The following HS6ST2 variants were observed in gnomAD, a reference collection of about 807,000 sequenced individuals.
HS6ST2 encodes heparan sulfate 6-O-sulfotransferase 2.
In HS6ST2, 17 loss-of-function variants were observed where a neutral mutation model predicts 33.0. That is an observed-to-expected ratio of 0.52 (90% CI 0.35 to 0.77). The LOEUF (loss-of-function observed/expected upper bound fraction) is 0.77, where lower values mean the gene tolerates loss of function less well. HS6ST2 is among the 30% of genes least tolerant of loss of function. The probability of loss-of-function intolerance (pLI) is 0.01; values close to 1 mark genes in which losing one functional copy is unlikely to be tolerated. For synonymous variants in HS6ST2, 248 were observed against 237.1 expected, an observed-to-expected ratio of 1.05 and a Z score of -0.42; for missense variants, 519 against 551.7, an observed-to-expected ratio of 0.94 and a Z score of 0.59.
At chrX:132,741,524 C>T (rs986656043) in intron 2 of HS6ST2, among the ~76,000 whole-genome samples, 2 of 110,532 alleles carry the variant, frequency 1.8e-5, no homozygotes, top group Admixed American at 1.9e-4. Context: ...TCAAGTGATC[C>T]GCCCACCTCA....
rs745317483 is a variant in HS6ST2 at position 132,958,034 on chromosome X, CT to C, written c.428+140del. Reference sequence around the variant, plus strand: ...GCGTGGGCAAATGCGCGCCGCACCCCTCCGGAGACCCTAGCCGGGCCACCAA... The same window carrying C: ...GCGTGGGCAAATGCGCGCCGCACCCCCCGGAGACCCTAGCCGGGCCACCAA... On this transcript the variant is annotated intron_variant, in intron 1 of 4. Coordinates refer to ENST00000370833, the MANE Select transcript of HS6ST2 (RefSeq NM_001394073.1). 1.1e-4 allele frequency: 67 copies of C among 589,699 alleles called. No homozygotes were observed. In the East Asian group the frequency reaches 2.5e-3, roughly 22 times the overall value. The allele number at this position is 589,699 out of a possible 1,213,427, so 48.6% of individuals were successfully genotyped here. A position where few individuals can be genotyped will look rare whatever the true frequency, so the allele number is the denominator to read the frequency against.
intron 3 of HS6ST2, chrX:132,669,978 A>T (rs2063850277): frequency 8.9e-6 from 1 of 112,363 alleles, no homozygotes; most frequent in Non-Finnish European, 1.9e-5. Context: ...TCTTCAGTTC[A>T]GCTGCTCTGC....
At chrX:132,864,489 AG>A (rs750958748) in intron 2 of HS6ST2, among the ~76,000 whole-genome samples, 9 of 107,590 alleles carry the variant, frequency 8.4e-5, no homozygotes, top group African/African-American at 2.7e-4. Context: ...ATCAAGCAGA[AG>A]AAAGGATATC....
At chrX:132,703,751 G>T (rs1168145570) in intron 3 of HS6ST2, among the ~76,000 whole-genome samples, 1 of 112,035 alleles carries the variant, frequency 8.9e-6, no homozygotes, top group Non-Finnish European at 1.9e-5. Context: ...TAAATTTAAA[G>T]GAAGTAATCA....
intron 2 of HS6ST2, among the ~76,000 whole-genome samples, chrX:132,835,564 T>C (rs1281663356): frequency 8.9e-6 from 1 of 112,248 alleles, no homozygotes; most frequent in Non-Finnish European, 1.9e-5. Flanking sequence ...ATGTATCTCC[T>C]TGTAGTCACA....
chrX:132,956,762 C>T (rs1385092828), intron 2 of HS6ST2, 46 bp downstream of exon 2: 5 of 1,120,230 alleles, frequency 4.5e-6, no homozygotes, highest in Non-Finnish European at 4.7e-6. Flanking sequence ...CCCAGCCCTC[C>T]GCCCGCCTAG....
chrX:132,881,403 T>A (rs2066171536), intron 2 of HS6ST2, among the ~76,000 whole-genome samples: 1 of 112,171 alleles, frequency 8.9e-6, no homozygotes, highest in African/African-American at 3.2e-5. Flanking sequence ...TTTCATGTGT[T>A]TTTTGGCTGC....
At chrX:132,806,702 C>T (rs1316850692) in intron 2 of HS6ST2, among the ~76,000 whole-genome samples, 1 of 109,436 alleles carries the variant, frequency 9.1e-6, no homozygotes. Flanking sequence ...TATAATTTCC[C>T]TATGCCACGA....
At chrX:132,878,371 C>A (rs1348608804) in intron 2 of HS6ST2, among the ~76,000 whole-genome samples, 2 of 112,071 alleles carry the variant, frequency 1.8e-5, no homozygotes, top group Non-Finnish European at 3.8e-5. Context: ...CCCAGGCAAG[C>A]CCCCTGTGCA....
intron 2 of HS6ST2, chrX:132,758,326 C>A (rs753313722): frequency 8.9e-6 from 1 of 112,152 alleles, no homozygotes; most frequent in African/African-American, 3.2e-5. Flanking sequence ...GGTGATTCTG[C>A]TGCAGGCTAA....
At chrX:132,744,248 G>C (rs2064613102) in intron 2 of HS6ST2, among the ~76,000 whole-genome samples, 1 of 111,742 alleles carries the variant, frequency 8.9e-6, no homozygotes, top group Non-Finnish European at 1.9e-5. Context: ...TATGGCTGGA[G>C]GAAGCAACTG....
rs925950863 is a variant in HS6ST2 at position 132,747,071 on chromosome X, C to T, written c.948-38577G>A. 2.7e-5 allele frequency among the ~76,000 whole-genome samples: 3 copies of T among 112,021 alleles called. No individual in the cohort carries two copies. In the Admixed American group the frequency reaches 2.8e-4, roughly 11 times the overall value. On this transcript the variant is annotated intron_variant, in intron 2 of 4. Coordinates refer to ENST00000370833, the MANE Select transcript of HS6ST2 (RefSeq NM_001394073.1). ...CTTGGGACATGGAGAAGACAAGGTC[C>T]CTGTCCTCAAGAAGTTCAAAGCCCA...
At chrX:132,663,403 A>G (rs2063787636) in intron 4 of HS6ST2, among the ~76,000 whole-genome samples, 2 of 111,941 alleles carry the variant, frequency 1.8e-5, no homozygotes, top group Non-Finnish European at 3.8e-5. Context: ...TGGATGGGGG[A>G]CTACTGAAGG....
At chrX:132,683,114 A>T (rs754792426) in intron 3 of HS6ST2, among the ~76,000 whole-genome samples, 1 of 109,949 alleles carries the variant, frequency 9.1e-6, no homozygotes, top group African/African-American at 3.3e-5. Context: ...ACCCTGTCTC[A>T]ATCAATCAAT....
chrX:132,812,672 G>T (rs1320107265), intron 2 of HS6ST2, among the ~76,000 whole-genome samples: 1 of 108,479 alleles, frequency 9.2e-6, no homozygotes, highest in African/African-American at 3.4e-5. Context: ...TTTCCATAAG[G>T]ATTTTACATA....
At chrX:132,716,288 T>C (rs761709272) in intron 2 of HS6ST2, among the ~76,000 whole-genome samples, 4 of 112,359 alleles carry the variant, frequency 3.6e-5, no homozygotes, top group Non-Finnish European at 5.6e-5. Flanking sequence ...CTATAACTTG[T>C]CCTTGGCTAT....
chrX:132,911,307 G>A (rs922320314), intron 2 of HS6ST2, among the ~76,000 whole-genome samples: 1 of 111,136 alleles, frequency 9.0e-6, no homozygotes. Flanking sequence ...CAAAAACTCA[G>A]CAGACAAACA....
chrX:132,631,587 A>G (rs1260262550), intron 4 of HS6ST2, among the ~76,000 whole-genome samples: 1 of 105,361 alleles, frequency 9.5e-6, no homozygotes, highest in Non-Finnish European at 1.9e-5. Flanking sequence ...GTTTAGTGGC[A>G]ATTAGTCTGA....
chrX:132,904,395 AT>A (rs756431877), intron 2 of HS6ST2, among the ~76,000 whole-genome samples: 73 of 111,850 alleles, frequency 6.5e-4, no homozygotes, highest in Non-Finnish European at 8.1e-4. Context: ...GAATATTCTC[AT>A]TTTGCGTCTC....
Sources: gnomAD v4.1 joint callset for allele counts (sites outside exome capture counted in the v4.1 genomes callset) on GRCh38, gnomAD v4.1.1 for gene constraint, MANE v1.5 for transcripts, NCBI Gene and HGNC (gene_info 2026-07-23, HGNC 2026-07-21) for gene names.